Variants in MCMBP observed in about 807,000 individuals in gnomAD.
The protein encoded by MCMBP is minichromosome maintenance complex binding protein.
MCMBP carries 31 observed loss-of-function variants against 81.3 expected under a neutral mutation model. The observed-to-expected ratio is 0.38, with a 90% CI of 0.29 to 0.51. MCMBP has a LOEUF of 0.51. Among genes scored for constraint, MCMBP ranks in the 20% least tolerant of loss-of-function variants. The pLI is 0.87. For missense variants in MCMBP, 645 were observed against 772.1 expected (o/e 0.84, Z 1.95); for synonymous variants, 267 against 275.9 (o/e 0.97, Z 0.32).
At chr10:119,872,985 G>A (rs1589808201), upstream of MCMBP, 3 of 152,104 alleles carry the variant, frequency 2.0e-5, no homozygotes, top group East Asian at 5.9e-4. Flanking sequence ...CTTGGAGACG[G>A]GCAAAAGGAA....
At chr10:119,859,437 A>T (rs1303619399) in intron 2 of MCMBP, among the ~76,000 whole-genome samples, 2 of 152,250 alleles carry the variant, frequency 1.3e-5, no homozygotes, top group East Asian at 3.8e-4. Flanking sequence ...AATGCTTTTC[A>T]TTCAGAACAC....
intron 13 of MCMBP, among the ~76,000 whole-genome samples, 200 bp from the exon 14 acceptor site, chr10:119,835,904 T>C (rs762654752): frequency 5.0e-4 from 76 of 152,290 alleles, no homozygotes; most frequent in Middle Eastern, 3.4e-3. Flanking sequence ...AGTGGTGTGA[T>C]TGCAGCTCAC....
chr10:119,869,516 G>C (rs551621875), intron 1 of MCMBP, among the ~76,000 whole-genome samples: 1 of 150,744 alleles, frequency 6.6e-6, no homozygotes, highest in South Asian at 2.1e-4. Context: ...AGGCTGCAGT[G>C]AGCCAAGATT....
intron 5 of MCMBP, among the ~76,000 whole-genome samples, chr10:119,855,324 A>G (rs1397732768): frequency 6.6e-6 from 1 of 152,244 alleles, no homozygotes; most frequent in African/African-American, 2.4e-5. Flanking sequence ...TTAGTTGCTA[A>G]CATTAGAAAA....
At chr10:119,845,427 A>G (rs534555350) in intron 8 of MCMBP, among the ~76,000 whole-genome samples, 6 of 152,332 alleles carry the variant, frequency 3.9e-5, no homozygotes, top group Non-Finnish European at 8.8e-5. Flanking sequence ...AAAAAATTAA[A>G]AAGTGTAAGA....
At chr10:119,860,926 T>C (rs1179765038) in intron 1 of MCMBP, among the ~76,000 whole-genome samples, 1 of 152,248 alleles carries the variant, frequency 6.6e-6, no homozygotes, top group African/African-American at 2.4e-5. Context: ...TCACCCAAAG[T>C]GACAGCCAAT....
At chr10:119,841,324 T>C (rs566697781) in intron 10 of MCMBP, among the ~76,000 whole-genome samples, 3 of 152,348 alleles carry the variant, frequency 2.0e-5, no homozygotes, top group Admixed American at 2.0e-4. Context: ...TCCGGGTAGT[T>C]TGGTTCCAGA....
intron 1 of MCMBP, among the ~76,000 whole-genome samples, chr10:119,867,678 G>C (rs902934171): frequency 4.6e-5 from 7 of 152,290 alleles, no homozygotes; most frequent in Middle Eastern, 3.4e-3. Context: ...TAGAGAAAGA[G>C]AAAGTGTGCA....
At chr10:119,851,848 C>A (rs1852835579) in intron 6 of MCMBP, among the ~76,000 whole-genome samples, 1 of 152,080 alleles carries the variant, frequency 6.6e-6, no homozygotes, top group South Asian at 2.1e-4. Context: ...TCCCTGTTTA[C>A]CACTGACTGT....
intron 1 of MCMBP, among the ~76,000 whole-genome samples, chr10:119,868,092 G>A (rs534947447): frequency 6.6e-6 from 1 of 152,096 alleles, no homozygotes; most frequent in Non-Finnish European, 1.5e-5. Flanking sequence ...TAAATATAAC[G>A]AGAATAATGA....
At chr10:119,866,455 G>T (rs1355448268) in intron 1 of MCMBP, among the ~76,000 whole-genome samples, 1 of 152,080 alleles carries the variant, frequency 6.6e-6, no homozygotes, top group Non-Finnish European at 1.5e-5. Flanking sequence ...GTAAAACTCC[G>T]TCTCTACTAA....
At chr10:119,859,956 C>G (rs959692548) in intron 1 of MCMBP, 72 bp from the exon 2 acceptor site, 4 of 1,143,554 alleles carry the variant, frequency 3.5e-6, no homozygotes, top group Non-Finnish European at 3.8e-6. Flanking sequence ...TCAGGTGAGT[C>G]ACACAATAGT....
intron 12 of MCMBP, among the ~76,000 whole-genome samples, chr10:119,837,312 G>A (rs185593615): frequency 3.3e-5 from 5 of 152,108 alleles, no homozygotes; most frequent in African/African-American, 1.2e-4. Flanking sequence ...ATTTCTAAGT[G>A]GTGTATTTAC....
chr10:119,842,767 C>CA, intron 9 of MCMBP, 172 bp from the exon 10 acceptor site: 8 of 487,480 alleles, frequency 1.6e-5, no homozygotes, highest in Non-Finnish European at 2.7e-5. Flanking sequence ...TTGCATCCTC[C>CA]TTTTTTTTTT....
intron 1 of MCMBP, among the ~76,000 whole-genome samples, chr10:119,872,294 C>G (rs913163372): frequency 5.3e-5 from 8 of 151,948 alleles, no homozygotes; most frequent in African/African-American, 1.7e-4. Context: ...CTTGGCGGCT[C>G]CCAAGCTGCG....
intron 9 of MCMBP, 171 bp from the exon 10 acceptor site, chr10:119,842,766 C>A: frequency 1.5e-6 from 1 of 661,282 alleles, no homozygotes; most frequent in East Asian, 3.5e-5. Context: ...TTTGCATCCT[C>A]CTTTTTTTTT....
chr10:119,849,326 C>A (rs1442205613), intron 7 of MCMBP, 99 bp downstream of exon 7: 2 of 1,268,870 alleles, frequency 1.6e-6, no homozygotes, highest in Non-Finnish European at 2.2e-6. Context: ...TTTGCTATAG[C>A]TAGCCCAGCA....
At position 119,836,836 on chromosome 10, in the gene MCMBP, C is replaced by CA. The variant is rs1466459310; in HGVS notation, c.1542+59dup. 27 of 1,086,476 alleles carry CA rather than the reference C, an allele frequency of 2.5e-5. 1 individual carries two copies. The South Asian group carries it at 4.8e-4, about 19-fold the overall frequency. 67.3% of individuals were successfully genotyped at this position (1,086,476 alleles called of 1,614,324 possible). On this transcript the variant is annotated intron_variant, in intron 13 of 15. Transcript: ENST00000369077. Reference sequence around the variant, plus strand: ...ATTAATAAGCGGTACCAAGAAACAGCAAAAATGTAGGTATTTTTCCAATGT... The same window carrying CA: ...ATTAATAAGCGGTACCAAGAAACAGCAAAAAATGTAGGTATTTTTCCAATGT...
chr10:119,842,771 T>C, intron 9 of MCMBP, 176 bp from the exon 10 acceptor site: 1 of 613,274 alleles, frequency 1.6e-6, no homozygotes, highest in East Asian at 3.8e-5. Context: ...ATCCTCCTTT[T>C]TTTTTTTTTT....
Sources: gnomAD v4.1 joint callset for allele counts (sites outside exome capture counted in the v4.1 genomes callset) on GRCh38, gnomAD v4.1.1 for gene constraint, MANE v1.5 for transcripts, NCBI Gene and HGNC (gene_info 2026-07-23, HGNC 2026-07-21) for gene names.